The following GALNTL6 variants were observed in gnomAD, a reference collection of about 807,000 sequenced individuals.
The protein encoded by GALNTL6 is polypeptide N-acetylgalactosaminyltransferase like 6.
Under a neutral mutation model 73.7 loss-of-function variants are expected in GALNTL6, and 46 were observed. The ratio of observed to expected loss-of-function variants is 0.62; its 90% CI spans 0.49 to 0.80. The LOEUF is 0.80. Ranked by LOEUF, GALNTL6 falls within the 30% of genes least tolerant of loss-of-function variation. GALNTL6 has a pLI of 0.00. For synonymous variants in GALNTL6, 259 were observed against 263.7 expected (o/e 0.98, Z 0.17); for missense variants, 604 against 755.0 (o/e 0.80, Z 2.34).
At chr4:173,032,821 T>TA (rs1753527059) in intron 12 of GALNTL6, among the ~76,000 whole-genome samples, 1 of 149,922 alleles carries the variant, frequency 6.7e-6, no homozygotes, top group Non-Finnish European at 1.5e-5. Context: ...CAGGATTGAT[T>TA]TTTTTTTTTC....
intron 10 of GALNTL6, among the ~76,000 whole-genome samples, chr4:172,977,826 C>G (rs1750889310): frequency 6.6e-6 from 1 of 152,088 alleles, no homozygotes; most frequent in Admixed American, 6.6e-5. Context: ...CATCTTAAAT[C>G]TCCACCTGTG....
intron 5 of GALNTL6, among the ~76,000 whole-genome samples, chr4:172,379,260 G>A (rs1463590057): frequency 2.6e-5 from 4 of 152,204 alleles, no homozygotes; most frequent in African/African-American, 9.7e-5. Flanking sequence ...GCCGGGCGCG[G>A]TGGCTCACGC....
chr4:171,960,688 T>TTA (rs745862164), intron 2 of GALNTL6, among the ~76,000 whole-genome samples: 1 of 129,494 alleles, frequency 7.7e-6, no homozygotes, highest in South Asian at 2.4e-4. Context: ...TGTCTTTATT[T>TTA]AAAAAAAAAA....
At chr4:171,927,286 ACTTTT>A (rs953537347) in intron 2 of GALNTL6, among the ~76,000 whole-genome samples, 4 of 152,028 alleles carry the variant, frequency 2.6e-5, no homozygotes, top group Non-Finnish European at 4.4e-5. Flanking sequence ...TTGGTGCTTT[ACTTTT>A]CTTTTTTTGT....
chr4:172,477,821 T>TA (rs1317677393), intron 5 of GALNTL6, among the ~76,000 whole-genome samples: 1 of 152,138 alleles, frequency 6.6e-6, no homozygotes, highest in Admixed American at 6.5e-5. Context: ...TTTAACGCTG[T>TA]AAAAAAATCA....
intron 3 of GALNTL6, among the ~76,000 whole-genome samples, chr4:172,230,188 G>A (rs1737009890): frequency 6.6e-6 from 1 of 152,084 alleles, no homozygotes; most frequent in Non-Finnish European, 1.5e-5. Context: ...CGTACAGCAA[G>A]CCAGCAGGTC....
chr4:172,016,894 G>T (rs189666495), intron 2 of GALNTL6, among the ~76,000 whole-genome samples: 1 of 152,154 alleles, frequency 6.6e-6, no homozygotes, highest in African/African-American at 2.4e-5. Context: ...TTTCCCTCAT[G>T]CTTGGTTTAG....
intron 5 of GALNTL6, among the ~76,000 whole-genome samples, chr4:172,736,450 G>C (rs545614506): frequency 1.8e-4 from 28 of 152,324 alleles, no homozygotes; most frequent in African/African-American, 6.5e-4. Context: ...CTTGTTCCCT[G>C]AAAATGGCTG....
intron 3 of GALNTL6, among the ~76,000 whole-genome samples, chr4:172,246,675 A>G (rs920073618): frequency 3.3e-5 from 5 of 151,834 alleles, no homozygotes; most frequent in East Asian, 1.9e-4. Context: ...CTTTCTTTAC[A>G]TACTGCTTTC....
At chr4:172,327,315 G>T (rs987221854) in intron 4 of GALNTL6, among the ~76,000 whole-genome samples, 1 of 152,052 alleles carries the variant, frequency 6.6e-6, no homozygotes, top group African/African-American at 2.4e-5. Context: ...TTTTATGTCT[G>T]ATTATGTGGT....
At chr4:172,886,332 G>A (rs1745716479) in intron 8 of GALNTL6, among the ~76,000 whole-genome samples, 1 of 152,100 alleles carries the variant, frequency 6.6e-6, no homozygotes, top group African/African-American at 2.4e-5. Flanking sequence ...GTGTACAGTT[G>A]TTCAAAATGG....
chr4:171,953,591 A>G (rs902376269), intron 2 of GALNTL6, among the ~76,000 whole-genome samples: 3 of 152,316 alleles, frequency 2.0e-5, no homozygotes, highest in Admixed American at 2.0e-4. Context: ...ACCTAAATAC[A>G]AGACATTCAA....
chr4:171,814,353 T>C, intron 1 of GALNTL6, 59 bp from the exon 2 acceptor site: 1 of 585,724 alleles, frequency 1.7e-6, no homozygotes, highest in East Asian at 2.9e-5. Flanking sequence ...TCTAAGCCAA[T>C]AGATAATGCC....
At chr4:172,224,426 G>T (rs1022088387) in intron 2 of GALNTL6, among the ~76,000 whole-genome samples, 1 of 152,286 alleles carries the variant, frequency 6.6e-6, no homozygotes, top group Admixed American at 6.5e-5. Flanking sequence ...ATGGTTGATT[G>T]TGACAATAAA....
chr4:172,135,362 G>A (rs1560937013), intron 2 of GALNTL6, among the ~76,000 whole-genome samples: 1 of 151,934 alleles, frequency 6.6e-6, no homozygotes, highest in Admixed American at 6.6e-5. Flanking sequence ...TCAAGACACT[G>A]ATGACACATC....
At chr4:171,854,327 G>C (rs1735619626) in intron 2 of GALNTL6, among the ~76,000 whole-genome samples, 1 of 152,096 alleles carries the variant, frequency 6.6e-6, no homozygotes, top group Non-Finnish European at 1.5e-5. Context: ...GACTTCCCAG[G>C]TTGCCTCAAG....
chr4:171,894,569 G>C (rs1236514921), intron 2 of GALNTL6, among the ~76,000 whole-genome samples: 2 of 152,114 alleles, frequency 1.3e-5, no homozygotes, highest in African/African-American at 4.8e-5. Flanking sequence ...TTGAAAAGAT[G>C]GAATCTTGCT....
chr4:172,752,664 C>A (rs1013260702), intron 5 of GALNTL6, among the ~76,000 whole-genome samples: 2 of 151,786 alleles, frequency 1.3e-5, no homozygotes, highest in Admixed American at 6.6e-5. Context: ...GAAAAATAGT[C>A]CCAGAAGTGG....
intron 2 of GALNTL6, among the ~76,000 whole-genome samples, chr4:171,906,416 C>T (rs1221618447): frequency 6.6e-6 from 1 of 151,806 alleles, no homozygotes; most frequent in African/African-American, 2.4e-5. Flanking sequence ...AATTCCTCGA[C>T]ACATACACTC....
Sources: allele counts gnomAD v4.1 joint callset (sites outside exome capture counted in the v4.1 genomes callset), GRCh38; gene constraint gnomAD v4.1.1; transcripts MANE v1.5; gene names NCBI Gene and HGNC (gene_info 2026-07-23, HGNC 2026-07-21).